The following NTRK3 variants were observed in gnomAD, a reference collection of about 807,000 sequenced individuals.
NTRK3 encodes the protein neurotrophic receptor tyrosine kinase 3.
In NTRK3, 24 loss-of-function variants were observed where a neutral mutation model predicts 91.7. The observed-to-expected ratio is 0.26, with a 90% CI of 0.19 to 0.37. The LOEUF is 0.37. Among genes scored for constraint, NTRK3 ranks in the 10% least tolerant of loss-of-function variants. The pLI is 1.00. For missense variants in NTRK3, 880 were observed against 1,068.9 expected (o/e 0.82, Z 2.46); for synonymous variants, 483 against 404.0 (o/e 1.20, Z -2.34).
intron 17 of NTRK3, among the ~76,000 whole-genome samples, chr15:87,904,422 C>T (rs1046666259): frequency 6.6e-6 from 1 of 152,162 alleles, no homozygotes; most frequent in African/African-American, 2.4e-5. Context: ...TCCCAAAGTG[C>T]TGGGATTACA....
At position 87,990,287 on chromosome 15, in the gene NTRK3, C is replaced by T. The variant is rs542575118; in HGVS notation, c.1585+42570G>A. On this transcript the variant is annotated intron_variant, in intron 14 of 18. Coordinates refer to ENST00000394480, the Ensembl canonical transcript of NTRK3. The stretch of plus-strand genomic sequence containing the variant: ...AGACTCTTTTCTTCACTATCCCCAC[C>T]CCAAGACTTGAAGCAGTGAGTCTAG... Among the ~76,000 whole-genome samples the T allele has an allele frequency of 1.6e-4, 24 of 152,250 alleles. 1 individual carries two copies. The highest frequency in any genetic ancestry group is 5.5e-4 in the African/African-American group (23 of 41,544).
In NTRK3 at chr15:88,155,670, T is replaced by C. The variant is rs571467511; in HGVS notation, c.396-8267A>G. 2.6e-5 allele frequency among the ~76,000 whole-genome samples: 4 copies of C among 152,290 alleles called. No homozygotes were observed. In the South Asian group the frequency reaches 8.3e-4, roughly 32 times the overall value. On this transcript the variant is annotated intron_variant, in intron 5 of 18. Coordinates refer to ENST00000394480, the Ensembl canonical transcript of NTRK3. ...CTAGAACAGTACTCTCCAGTATAGATATAATAAAAGACACAAATACCACGT... is the reference window on the plus strand; with the variant it reads ...CTAGAACAGTACTCTCCAGTATAGACATAATAAAAGACACAAATACCACGT...
At position 88,082,233 on chromosome 15, in the gene NTRK3, G is replaced by A. The variant is rs953433153; in HGVS notation, c.1396+44038C>T. Among the ~76,000 whole-genome samples, 7 of 150,718 alleles carry A rather than the reference G, an allele frequency of 4.6e-5. No homozygotes were observed. The South Asian group carries it at 8.4e-4, about 18-fold the overall frequency. ...GTGGAGCTTGCAGTGAGCCGAGATC[G>A]TGCCACTGCACTCCAGCCTGGGTGA... On this transcript the variant is annotated intron_variant, in intron 13 of 18. Coordinates refer to ENST00000394480, the Ensembl canonical transcript of NTRK3.
rs1233425501 is a variant in NTRK3, at chr15:87,929,448, G to T, written c.1890-14C>A. The T allele has an allele frequency of 6.2e-7, 1 of 1,613,162 alleles. No homozygotes were observed. Among genetic ancestry groups the T allele is most frequent in the South Asian group, 1.1e-5 (1 of 90,958 alleles). The stretch of plus-strand genomic sequence containing the variant: ...GGCCCATGGGCCCTGCAAGAGCATG[G>T]GGAGAAGAGAGGGGGCAGAGAGAAA... On this transcript the variant is annotated splice_polypyrimidine_tract_variant and intron_variant, in intron 16 of 18. Coordinates refer to ENST00000394480, the Ensembl canonical transcript of NTRK3.
At chr15:88,023,171 ACT>A (rs1431454452) in intron 14 of NTRK3, among the ~76,000 whole-genome samples, 1 of 152,052 alleles carries the variant, frequency 6.6e-6, no homozygotes, top group Non-Finnish European at 1.5e-5. Flanking sequence ...TGAGGCTGAG[ACT>A]CTGTGGACAA....
At chr15:88,107,318 C>T (rs1328444568) in intron 13 of NTRK3, among the ~76,000 whole-genome samples, 1 of 152,070 alleles carries the variant, frequency 6.6e-6, no homozygotes, top group African/African-American at 2.4e-5. Flanking sequence ...CAGCATGTGC[C>T]TGTAGTCCCA....
At chr15:87,861,536 G>C (rs1283693722) in exon 19 of NTRK3, 5 of 196,168 alleles carry the variant, frequency 2.5e-5, no homozygotes, top group African/African-American at 1.2e-4. Flanking sequence ...AGCCATTCAT[G>C]CAAAAAATTA....
At chr15:88,025,050 C>A (rs905796608) in intron 14 of NTRK3, among the ~76,000 whole-genome samples, 7 of 150,542 alleles carry the variant, frequency 4.6e-5, no homozygotes, top group Admixed American at 4.6e-4. Context: ...TGTGTGGCCA[C>A]ACACACACAC....
At chr15:87,870,429 A>AG in exon 19 of NTRK3, 2 of 205,332 alleles carry the variant, frequency 9.7e-6, no homozygotes, top group Non-Finnish European at 2.0e-5. Flanking sequence ...CTGCGGACTC[A>AG]GGGGGAAAGT....
chr15:87,972,411 T>C (rs1244728027), intron 14 of NTRK3, among the ~76,000 whole-genome samples: 2 of 152,192 alleles, frequency 1.3e-5, no homozygotes, highest in Admixed American at 1.3e-4. Flanking sequence ...AACGATGCCT[T>C]TGGGCAGCCT....
intron 13 of NTRK3, among the ~76,000 whole-genome samples, chr15:88,094,796 C>G (rs1231878391): frequency 6.6e-6 from 1 of 152,190 alleles, no homozygotes; most frequent in Non-Finnish European, 1.5e-5. Flanking sequence ...GATTTACTCC[C>G]AGGGAATGAC....
At chr15:88,143,012 C>T (rs150705094) in intron 6 of NTRK3, among the ~76,000 whole-genome samples, 208 of 151,546 alleles carry the variant, frequency 1.4e-3, no homozygotes, top group African/African-American at 4.8e-3. Flanking sequence ...GCCAGGAGTT[C>T]GAGACCAGCT....
At chr15:88,081,696 G>A (rs1237813548) in intron 13 of NTRK3, among the ~76,000 whole-genome samples, 1 of 152,142 alleles carries the variant, frequency 6.6e-6, no homozygotes, top group African/African-American at 2.4e-5. Context: ...CGCAGAGAGG[G>A]GCAAAAGTGG....
intron 13 of NTRK3, among the ~76,000 whole-genome samples, chr15:88,101,516 G>T (rs1246089077): frequency 6.6e-6 from 1 of 152,062 alleles, no homozygotes; most frequent in Non-Finnish European, 1.5e-5. Flanking sequence ...CCCATTACTG[G>T]GTATATACCC....
At chr15:88,200,163 A>G (rs12324693) in intron 3 of NTRK3, among the ~76,000 whole-genome samples, 9,563 of 152,254 alleles carry the variant, frequency 0.063, 986 homozygotes, top group African/African-American at 0.22. Context: ...CATTCACCAC[A>G]AAGAAGGACT....
chr15:87,960,200 A>G (rs772370500), intron 14 of NTRK3, among the ~76,000 whole-genome samples: 1 of 152,214 alleles, frequency 6.6e-6, no homozygotes, highest in South Asian at 2.1e-4. Flanking sequence ...CCAGAGCACA[A>G]ATCTCCCAGT....
chr15:88,055,592 C>T (rs545020442), intron 13 of NTRK3, among the ~76,000 whole-genome samples: 2 of 152,286 alleles, frequency 1.3e-5, no homozygotes, highest in South Asian at 4.2e-4. Context: ...GCTTCCCTCT[C>T]CCAATCACTC....
At chr15:87,946,331 G>A (rs2070492627) in intron 14 of NTRK3, 1 of 152,192 alleles carries the variant, frequency 6.6e-6, no homozygotes, top group African/African-American at 2.4e-5. Flanking sequence ...TTGATCAGTA[G>A]AGAGAAACCC....
intron 3 of NTRK3, chr15:88,253,119 C>G (rs1466231750): frequency 2.0e-5 from 3 of 152,292 alleles, no homozygotes; most frequent in Non-Finnish European, 2.9e-5. Flanking sequence ...CATCTTCTAC[C>G]CAGAGTGTGC....
Sources: gnomAD v4.1 joint callset for allele counts (sites outside exome capture counted in the v4.1 genomes callset) on GRCh38, gnomAD v4.1.1 for gene constraint, MANE v1.5 for transcripts, NCBI Gene and HGNC (gene_info 2026-07-23, HGNC 2026-07-21) for gene names.